ASIC2: variants seen among roughly 807,000 people sequenced by gnomAD.
ASIC2 encodes the protein acid sensing ion channel subunit 2.
ASIC2 carries 25 observed loss-of-function variants against 57.3 expected under a neutral mutation model. The ratio of observed to expected loss-of-function variants is 0.44; its 90% confidence interval spans 0.32 to 0.61. The LOEUF is 0.61. Among genes scored for constraint, ASIC2 ranks in the 20% least tolerant of loss-of-function variants. The pLI is 0.06. For missense variants in ASIC2, 641 were observed against 738.1 expected, an observed-to-expected ratio of 0.87 and a Z score of 1.52; for synonymous variants, 319 against 307.5, an observed-to-expected ratio of 1.04 and a Z score of -0.39.
At chr17:33,464,371 G>A (rs1912739878) in intron 1 of ASIC2, among the ~76,000 whole-genome samples, 1 of 152,042 alleles carries the variant, frequency 6.6e-6, no homozygotes, top group Admixed American at 6.5e-5. Context: ...TGGCATTTGA[G>A]GAAGACATCA....
intron 1 of ASIC2, among the ~76,000 whole-genome samples, chr17:33,505,159 A>G (rs1035426752): frequency 2.0e-5 from 3 of 152,080 alleles, no homozygotes; most frequent in African/African-American, 7.2e-5. Flanking sequence ...TGGGCGGGGC[A>G]CGTGAGCAGT....
At chr17:33,996,029 A>G (rs373351131) in intron 1 of ASIC2, among the ~76,000 whole-genome samples, 1 of 152,074 alleles carries the variant, frequency 6.6e-6, no homozygotes, top group African/African-American at 2.4e-5. Context: ...CATCTTTTTT[A>G]TAATATCCAT....
chr17:33,085,963 A>G (rs1027353992), intron 3 of ASIC2, among the ~76,000 whole-genome samples: 1 of 152,212 alleles, frequency 6.6e-6, no homozygotes, highest in African/African-American at 2.4e-5. Context: ...ACAGACATGA[A>G]TGGGGCTGAT....
intron 1 of ASIC2, among the ~76,000 whole-genome samples, chr17:33,891,536 C>T (rs1361318969): frequency 6.6e-6 from 1 of 152,182 alleles, no homozygotes; most frequent in Non-Finnish European, 1.5e-5. Context: ...AGGATCAACA[C>T]TCAGGTTTCA....
intron 1 of ASIC2, among the ~76,000 whole-genome samples, chr17:33,556,787 T>C (rs1301549561): frequency 6.6e-6 from 1 of 152,194 alleles, no homozygotes; most frequent in Non-Finnish European, 1.5e-5. Context: ...CATCTGCCCT[T>C]TAGTTACCTA....
intron 1 of ASIC2, among the ~76,000 whole-genome samples, chr17:33,298,797 G>A (rs1024639721): frequency 1.3e-5 from 2 of 152,142 alleles, no homozygotes; most frequent in African/African-American, 2.4e-5. Context: ...ATTCTAACTG[G>A]TGTGAGATGG....
chr17:33,705,519 A>G (rs559558516), intron 1 of ASIC2, among the ~76,000 whole-genome samples: 1 of 152,324 alleles, frequency 6.6e-6, no homozygotes, highest in Admixed American at 6.5e-5. Context: ...AATCACACAT[A>G]TCATTATAAG....
At chr17:33,816,175 G>GA (rs998296721) in intron 1 of ASIC2, among the ~76,000 whole-genome samples, 1 of 151,082 alleles carries the variant, frequency 6.6e-6, no homozygotes, top group African/African-American at 2.4e-5. Flanking sequence ...ACTGAAGGGG[G>GA]GGCGGGTGGG....
At chr17:33,024,657 C>T (rs1182081515) in intron 5 of ASIC2, among the ~76,000 whole-genome samples, 1 of 152,182 alleles carries the variant, frequency 6.6e-6, no homozygotes, top group Non-Finnish European at 1.5e-5. Context: ...TGACCTTGGC[C>T]CCCATCCATG....
At chr17:33,126,865 T>TTG (rs1441943515) in intron 1 of ASIC2, among the ~76,000 whole-genome samples, 1 of 135,502 alleles carries the variant, frequency 7.4e-6, no homozygotes, top group Non-Finnish European at 1.6e-5. Context: ...TCTTTTTTTT[T>TTG]TTTTTTTTTT....
intron 1 of ASIC2, chr17:33,955,070 A>G (rs1456872550): frequency 2.0e-5 from 3 of 152,226 alleles, no homozygotes; most frequent in Non-Finnish European, 4.4e-5. Flanking sequence ...GATGTAGGTC[A>G]GGGGTTATTT....
intron 1 of ASIC2, among the ~76,000 whole-genome samples, chr17:33,741,717 C>T (rs1910117334): frequency 6.6e-6 from 1 of 152,178 alleles, no homozygotes; most frequent in Non-Finnish European, 1.5e-5. Context: ...GCAGTTTTCT[C>T]CTGCTCTACT....
intron 1 of ASIC2, among the ~76,000 whole-genome samples, chr17:33,464,579 CT>C (rs1912791268): frequency 8.2e-6 from 1 of 122,426 alleles, no homozygotes; most frequent in Non-Finnish European, 1.7e-5. Context: ...CTCTTTCTCT[CT>C]TTATCTCTTT....
chr17:33,405,316 A>C (rs1910429974), intron 1 of ASIC2, among the ~76,000 whole-genome samples: 1 of 152,108 alleles, frequency 6.6e-6, no homozygotes, highest in African/African-American at 2.4e-5. Context: ...TAGGAATAGA[A>C]AAATGGGGTA....
intron 1 of ASIC2, among the ~76,000 whole-genome samples, chr17:33,918,542 T>C (rs1915638730): frequency 6.6e-6 from 1 of 152,186 alleles, no homozygotes; most frequent in Non-Finnish European, 1.5e-5. Flanking sequence ...AAACACATTC[T>C]TCAGGTTCAT....
chr17:33,266,875 T>C (rs1909483576), intron 1 of ASIC2, among the ~76,000 whole-genome samples: 1 of 152,198 alleles, frequency 6.6e-6, no homozygotes, highest in Non-Finnish European at 1.5e-5. Flanking sequence ...ATTTTTCATG[T>C]AGCACAGAAC....
intron 1 of ASIC2, among the ~76,000 whole-genome samples, chr17:33,471,754 A>G (rs980833820): frequency 1.4e-4 from 21 of 152,188 alleles, no homozygotes; most frequent in African/African-American, 5.1e-4. Context: ...AATGTGTCAC[A>G]TTTCTTATTT....
At chr17:33,885,171 C>T (rs893097297) in intron 1 of ASIC2, among the ~76,000 whole-genome samples, 8 of 152,268 alleles carry the variant, frequency 5.3e-5, no homozygotes, top group African/African-American at 1.9e-4. Flanking sequence ...GTCAAACTGC[C>T]CACATCCAGG....
intron 1 of ASIC2, among the ~76,000 whole-genome samples, chr17:33,475,264 T>C (rs1470690236): frequency 6.7e-6 from 1 of 149,118 alleles, no homozygotes; most frequent in Non-Finnish European, 1.5e-5. Flanking sequence ...TTAACAAATG[T>C]TGAAATTTTA....
Sources: allele counts gnomAD v4.1 joint callset (sites outside exome capture counted in the v4.1 genomes callset), GRCh38; gene constraint gnomAD v4.1.1; transcripts MANE v1.5; gene names NCBI Gene and HGNC (gene_info 2026-07-23, HGNC 2026-07-21).